The following MACROD2 variants were observed in gnomAD, a reference collection of about 807,000 sequenced individuals.
MACROD2 encodes the protein ADP-ribose glycohydrolase MACROD2.
MACROD2 carries 36 observed loss-of-function variants against 70.4 expected under a neutral mutation model. The observed-to-expected ratio is 0.51, with a 90% CI of 0.39 to 0.68. MACROD2 has a LOEUF of 0.68. Ranked by LOEUF, MACROD2 falls within the 30% of genes least tolerant of loss-of-function variation. MACROD2 has a pLI of 0.00. For synonymous variants in MACROD2, 172 were observed against 178.8 expected (o/e 0.96, Z 0.30); for missense variants, 496 against 538.4 (o/e 0.92, Z 0.78).
intron 10 of MACROD2, among the ~76,000 whole-genome samples, chr20:15,929,475 G>A (rs1258298489): frequency 6.6e-6 from 1 of 151,930 alleles, no homozygotes; most frequent in African/African-American, 2.4e-5. Flanking sequence ...TATTATAGGG[G>A]ACTGAAGAAT....
chr20:14,697,101 C>A (rs987049344), intron 5 of MACROD2, among the ~76,000 whole-genome samples: 22 of 152,188 alleles, frequency 1.4e-4, no homozygotes, highest in Admixed American at 1.1e-3. Flanking sequence ...AGTGGCTTGA[C>A]GGAACTGGGA....
chr20:14,912,174 TAAG>T (rs1016980893), intron 5 of MACROD2, among the ~76,000 whole-genome samples: 12 of 152,148 alleles, frequency 7.9e-5, no homozygotes, highest in African/African-American at 2.9e-4. Context: ...CTGTCTGTCT[TAAG>T]AAGGAGGGAG....
At position 14,242,064 on chromosome 20, in the gene MACROD2, A is replaced by C. The variant is rs188072358; in HGVS notation, c.271+156336A>C. Among the ~76,000 whole-genome samples the C allele has an allele frequency of 2.0e-3, 303 of 152,280 alleles. 2 individuals are homozygous for C. The highest frequency in any genetic ancestry group is 2.7e-3 in the Non-Finnish European group (184 of 68,022). ...TAGAAGTCAGATTAAAGGTCATGTA[A>C]CTAAAATTGTATGCTGAATGTTGAG... On this transcript the variant is annotated intron_variant, in intron 3 of 17. Transcript: ENST00000684519.
At chr20:15,263,531 ATAATTTTTAGGATTTTTT>A (rs2077267394) in intron 6 of MACROD2, among the ~76,000 whole-genome samples, 1 of 151,994 alleles carries the variant, frequency 6.6e-6, no homozygotes, top group African/African-American at 2.4e-5. Context: ...TTGGTTCTAT[ATAATTTTTAGGATTTTTT>A]ATCTATTTCT....
chr20:15,579,475 A>C (rs1480666514), intron 8 of MACROD2, among the ~76,000 whole-genome samples: 1 of 152,222 alleles, frequency 6.6e-6, no homozygotes, highest in East Asian at 1.9e-4. Flanking sequence ...TTTGTCAAGC[A>C]GAATGAAATG....
chr20:14,838,797 T>TA (rs372113403), intron 5 of MACROD2, among the ~76,000 whole-genome samples: 131 of 152,172 alleles, frequency 8.6e-4, no homozygotes, highest in Middle Eastern at 3.4e-3. Flanking sequence ...ATTACAAACT[T>TA]AGTCATATCA....
chr20:14,695,735 A>G (rs1029494389), intron 5 of MACROD2, among the ~76,000 whole-genome samples: 2 of 152,220 alleles, frequency 1.3e-5, no homozygotes, highest in Admixed American at 6.5e-5. Flanking sequence ...GCTTGGGAGC[A>G]CATTCTCCTG....
At chr20:14,981,432 GTATA>G (rs747438726) in intron 5 of MACROD2, among the ~76,000 whole-genome samples, 12 of 141,466 alleles carry the variant, frequency 8.5e-5, no homozygotes, top group Middle Eastern at 3.6e-3. Flanking sequence ...ATATGTATAT[GTATA>G]TATATATATA....
chr20:15,090,393 T>C (rs2075784263), intron 5 of MACROD2, among the ~76,000 whole-genome samples: 2 of 152,140 alleles, frequency 1.3e-5, no homozygotes. Context: ...TTCTTTGATA[T>C]TCAGCCCAAT....
intron 6 of MACROD2, among the ~76,000 whole-genome samples, chr20:15,355,055 T>G (rs2078271195): frequency 6.6e-6 from 1 of 152,214 alleles, no homozygotes; most frequent in Admixed American, 6.5e-5. Flanking sequence ...GTTTCATAGT[T>G]GGGACTGATG....
At chr20:15,372,030 T>C (rs1348892628) in intron 6 of MACROD2, among the ~76,000 whole-genome samples, 1 of 152,242 alleles carries the variant, frequency 6.6e-6, no homozygotes, top group East Asian at 1.9e-4. Context: ...ACATTTTATT[T>C]TATTTTTTGT....
chr20:15,387,382 C>CTATTCCTCTCCCTTT lies in MACROD2; in HGVS notation c.541-44023_541-44022insTATTCCTCTCCCTTT, dbSNP rs1568768199. ...TTCCTCTCCCTTTCTTCCCTCTCTTCCTACCTCTCTGCAGTCTGCACTTTT... is the reference window on the plus strand; with the variant it reads ...TTCCTCTCCCTTTCTTCCCTCTCTTCTATTCCTCTCCCTTTCTACCTCTCTGCAGTCTGCACTTTT... On this transcript the variant is annotated intron_variant, in intron 6 of 17. Transcript: ENST00000684519. Among the ~76,000 whole-genome samples the CTATTCCTCTCCCTTT allele has an allele frequency of 1.4e-4, 9 of 66,646 alleles. No homozygotes were observed. The East Asian group carries it at 3.3e-3, about 25-fold the overall frequency. The allele number at this position is 66,646 out of a possible 152,430, so 43.7% of individuals were successfully genotyped here. A position where few individuals can be genotyped will look rare whatever the true frequency, so the allele number is the denominator to read the frequency against.
chr20:15,241,945 AT>A (rs1025813984), intron 6 of MACROD2, among the ~76,000 whole-genome samples: 2 of 151,818 alleles, frequency 1.3e-5, no homozygotes, highest in African/African-American at 2.4e-5. Flanking sequence ...TTCAGGCTTT[AT>A]TTTTTTTCCT....
At chr20:15,239,184 A>ATTTTTTTT (rs113667803) in intron 6 of MACROD2, among the ~76,000 whole-genome samples, 1 of 138,042 alleles carries the variant, frequency 7.2e-6, no homozygotes, top group Non-Finnish European at 1.6e-5. Flanking sequence ...AAATGTTCAG[A>ATTTTTTTT]TTTTTTTTTT....
chr20:15,719,720 C>T (rs1431287350), intron 8 of MACROD2, among the ~76,000 whole-genome samples: 1 of 152,050 alleles, frequency 6.6e-6, no homozygotes, highest in African/African-American at 2.4e-5. Context: ...TGTTTTGATA[C>T]AGGTATGCAT....
chr20:14,639,636 C>T (rs1321521837), intron 4 of MACROD2, among the ~76,000 whole-genome samples: 1 of 152,086 alleles, frequency 6.6e-6, no homozygotes, highest in African/African-American at 2.4e-5. Context: ...TACAGAATAG[C>T]CATCATTCAA....
At chr20:15,235,455 T>C (rs1263377302) in intron 6 of MACROD2, among the ~76,000 whole-genome samples, 1 of 152,188 alleles carries the variant, frequency 6.6e-6, no homozygotes, top group African/African-American at 2.4e-5. Context: ...GTTCCTTCCT[T>C]GAGTCATAGA....
intron 8 of MACROD2, among the ~76,000 whole-genome samples, chr20:15,512,756 C>T (rs1011426127): frequency 5.3e-5 from 8 of 152,198 alleles, no homozygotes; most frequent in African/African-American, 1.9e-4. Context: ...TAGGTCCCCC[C>T]ACCGCTGGCA....
At chr20:15,138,088 T>C (rs1198196739) in intron 5 of MACROD2, among the ~76,000 whole-genome samples, 1 of 152,176 alleles carries the variant, frequency 6.6e-6, no homozygotes, top group Non-Finnish European at 1.5e-5. Flanking sequence ...TTTTTATATA[T>C]TCTGATATGA....
Sources: allele counts gnomAD v4.1 joint callset (sites outside exome capture counted in the v4.1 genomes callset), GRCh38; gene constraint gnomAD v4.1.1; transcripts MANE v1.5; gene names NCBI Gene and HGNC (gene_info 2026-07-23, HGNC 2026-07-21).